Variants in PPP2R3B observed in about 807,000 individuals in gnomAD.
PPP2R3B encodes the protein serine/threonine-protein phosphatase 2A regulatory subunit B'' subunit beta.
In PPP2R3B, 68 loss-of-function variants were observed where a neutral mutation model predicts 72.9. The ratio of observed to expected loss-of-function variants is 0.93; its 90% CI spans 0.77 to 1.14. The LOEUF is 1.14. Among genes scored for constraint, PPP2R3B ranks in the 50% most tolerant of loss-of-function variants. PPP2R3B has a pLI of 0.00. For synonymous variants in PPP2R3B, 466 were observed against 375.8 expected (o/e 1.24, Z -2.78); for missense variants, 1,018 against 842.0 (o/e 1.21, Z -2.59).
chrX:384,268 C>T (rs1008413731), intron 1 of PPP2R3B, among the ~76,000 whole-genome samples: 1 of 147,630 alleles, frequency 6.8e-6, no homozygotes, highest in Non-Finnish European at 1.5e-5. Flanking sequence ...AAGACTCTCT[C>T]TCTCTCTCTC....
chrX:361,134 C>G (rs1193841605), intron 2 of PPP2R3B, among the ~76,000 whole-genome samples: 1 of 152,206 alleles, frequency 6.6e-6, no homozygotes, highest in Non-Finnish European at 1.5e-5. Context: ...GCGCTCTTCA[C>G]AGCATCAGGA....
chrX:341,859 G>A (rs776259434), intron 8 of PPP2R3B, 24 bp downstream of exon 8: 33 of 1,612,162 alleles, frequency 2.0e-5, no homozygotes, highest in African/African-American at 1.7e-4. Context: ...AATGGCTGCC[G>A]TCAGGCGCCT....
chrX:386,727 GCGCCCCGCCCCGCCCCGGGGGCTT>G lies in PPP2R3B; in HGVS notation c.-60_-37del, dbSNP rs2072265117. On this transcript the variant is annotated 5_prime_UTR_variant, in exon 1 of 13. Transcript: ENST00000390665. ...GGGCCCGCGGCGCCCCCGGACGCCC[GCGCCCCGCCCCGCCCCGGGGGCTT>G]CGGTCCGCCCCGGACCGACCTCGGT... 4.1e-6 allele frequency: 5 copies of G among 1,205,388 alleles called. No individual in the cohort carries two copies. Among genetic ancestry groups the G allele is most frequent in the African/African-American group, 1.6e-5 (1 of 62,528 alleles). The allele number at this position is 1,205,388 out of a possible 1,614,324, so 74.7% of individuals were successfully genotyped here.
At position 386,499 on chromosome X, in the gene PPP2R3B, C is replaced by T; in HGVS notation, c.193G>A (p.Ala65Thr). ...GGTTCGAGCCCGCTGGGCCGGGGGGCGGCGAGCGGGGCTGTGGGCCAGGCC... is the reference window on the plus strand; with the variant it reads ...GGTTCGAGCCCGCTGGGCCGGGGGGTGGCGAGCGGGGCTGTGGGCCAGGCC... ...PGAWPTAPLA[A>T]PRPSGLEPPG... The change falls in exon 1 of 13, where the codon GCC becomes ACC. Residue 65 changes from alanine (A) to threonine (T), a missense_variant. Physicochemically the swap from Ala to Thr is moderately conservative, Grantham distance 58. Coordinates refer to ENST00000390665, the MANE Select transcript of PPP2R3B (RefSeq NM_013239.5). 2 of 1,292,852 alleles carry T rather than the reference C, an allele frequency of 1.5e-6. No individual in the cohort carries two copies. The highest frequency in any genetic ancestry group is 9.8e-7 in the Non-Finnish European group (1 of 1,020,382). The allele number at this position is 1,292,852 out of a possible 1,614,324, so 80.1% of individuals were successfully genotyped here.
At chrX:335,723 C>G (rs1417460988) in intron 12 of PPP2R3B, 1 of 152,238 alleles carries the variant, frequency 6.6e-6, no homozygotes, top group East Asian at 1.9e-4. Flanking sequence ...ACCTCGTCGG[C>G]CCCTCGCCTC....
At chrX:348,185 G>C (rs2071262936) in intron 2 of PPP2R3B, among the ~76,000 whole-genome samples, 1 of 152,026 alleles carries the variant, frequency 6.6e-6, no homozygotes, top group East Asian at 1.9e-4. Context: ...CTACCCCAAA[G>C]GAACAAATAC....
Position 334,489 on chromosome X carries a change from G to C in PPP2R3B, c.1606C>G (p.Gln536Glu), listed in dbSNP as rs934114526. 3 of 1,578,738 alleles carry C rather than the reference G, an allele frequency of 1.9e-6. No individual in the cohort carries two copies. Among genetic ancestry groups the C allele is most frequent in the Admixed American group, 1.8e-5 (1 of 54,558 alleles). ...GFEAELSPVE[Q>E]KLSALRSPLA... ...GGGGAGCGCAGCGCACTCAGCTTCT[G>C]CTCCACAGGGCTGAGCTCGGCCTCG... The change falls in exon 13 of 13, where the codon CAG (glutamine) becomes GAG (glutamate). Residue 536 changes from glutamine to glutamate, a missense_variant. Physicochemically the swap from Gln to Glu is conservative, Grantham distance 29. Transcript: ENST00000390665.
chrX:346,445 G>GGGTCTGGCCGGGGAC lies in PPP2R3B; in HGVS notation c.793-200_793-186dup, dbSNP rs1556134592. The GGGTCTGGCCGGGGAC allele has an allele frequency of 4.6e-6, 3 of 646,320 alleles. No individual in the cohort carries two copies. The Admixed American group carries it at 9.4e-5, about 20-fold the overall frequency. 40.0% of individuals were successfully genotyped at this position (646,320 alleles called of 1,614,324 possible). On this transcript the variant is annotated intron_variant, in intron 5 of 12. Transcript: ENST00000390665. ...CGCCCCAGGCCGCGGAAAGCGGGGA[G>GGGTCTGGCCGGGGAC]GGTCTGGCCGGGGACGCCCCGGAGC...
At chrX:349,513 G>A (rs1176459963) in intron 2 of PPP2R3B, among the ~76,000 whole-genome samples, 1 of 152,182 alleles carries the variant, frequency 6.6e-6, no homozygotes, top group Admixed American at 6.5e-5. Context: ...CTGGACGGCC[G>A]AGCCAGGGCA....
At chrX:344,694 C>T (rs1345174430) in intron 7 of PPP2R3B, among the ~76,000 whole-genome samples, 1 of 152,184 alleles carries the variant, frequency 6.6e-6, no homozygotes, top group Non-Finnish European at 1.5e-5. Context: ...TAGTTAGGGG[C>T]CCAGGGCGCA....
chrX:353,145 G>A (rs771686250), intron 2 of PPP2R3B, among the ~76,000 whole-genome samples: 3 of 152,176 alleles, frequency 2.0e-5, no homozygotes, highest in Non-Finnish European at 2.9e-5. Flanking sequence ...ACGCCAAGGC[G>A]GGTGGATCAC....
intron 2 of PPP2R3B, among the ~76,000 whole-genome samples, chrX:358,794 G>C (rs1272115630): frequency 6.6e-6 from 1 of 151,350 alleles, no homozygotes; most frequent in Non-Finnish European, 1.5e-5. Flanking sequence ...CCGCGGAGGG[G>C]GGGTGGCCGC....
chrX:346,320 C>G, intron 5 of PPP2R3B, 60 bp from the exon 6 acceptor site: 3 of 1,495,892 alleles, frequency 2.0e-6, no homozygotes, highest in Admixed American at 3.9e-5. Context: ...TCGCCCCGCA[C>G]GGAGACCGGG....
At position 386,599 on chromosome X, in the gene PPP2R3B, C is replaced by T; in HGVS notation, c.93G>A (p.Met31Ile). 6.9e-7 allele frequency: 1 copy of T among 1,449,368 alleles called. No homozygotes were observed. Among genetic ancestry groups the T allele is most frequent in the Non-Finnish European group, 9.1e-7 (1 of 1,101,946 alleles). The allele number at this position is 1,449,368 out of a possible 1,614,324, so 89.8% of individuals were successfully genotyped here. A position where few individuals can be genotyped will look rare whatever the true frequency, so the allele number is the denominator to read the frequency against. ...TGATCCGGCGCAGGCAGTCCTGCAG[C>T]ATCCGCTGCGTGCTGGCCTCGCTGA... ...YWLSEASTQR[M>I]LQDCLRRIKA... Residue 31 changes from methionine to isoleucine, a missense_variant, in exon 1 of 13, where the codon ATG becomes ATA. Coordinates refer to ENST00000390665, the MANE Select transcript of PPP2R3B (RefSeq NM_013239.5).
Position 338,554 on chromosome X carries a change from C to T in PPP2R3B, c.1577+50G>A, listed in dbSNP as rs187695226. ...CCCACTCACCCGTCCTCCCCACTCA[C>T]CCGTCCTCCCACTGACCCGTCCCCC... On this transcript the variant is annotated intron_variant, in intron 12 of 12. Transcript: ENST00000390665. 1.9e-3 allele frequency: 2,571 copies of T among 1,372,450 alleles called. 42 individuals are homozygous for T. The African/African-American group carries it at 0.034, about 18-fold the overall frequency. The allele number at this position is 1,372,450 out of a possible 1,614,324, so 85.0% of individuals were successfully genotyped here.
At position 386,587 on chromosome X, in the gene PPP2R3B, G is replaced by A. The variant is rs1282563935; in HGVS notation, c.105C>T (p.Cys35=). ...EASTQRMLQD[C]LRRIKAPGRD... is the part of the protein sequence containing the mutation. ...GCCCGGGCGCCTTGATCCGGCGCAG[G>A]CAGTCCTGCAGCATCCGCTGCGTGC... The change falls in exon 1 of 13, where the codon TGC becomes TGT. Residue 35 remains cysteine (C), a synonymous_variant. Coordinates refer to ENST00000390665, the MANE Select transcript of PPP2R3B (RefSeq NM_013239.5). The A allele has an allele frequency of 1.4e-6, 2 of 1,445,358 alleles. No individual in the cohort carries two copies. Among genetic ancestry groups the A allele is most frequent in the African/African-American group, 1.5e-5 (1 of 67,762 alleles). The allele number at this position is 1,445,358 out of a possible 1,614,324, so 89.5% of individuals were successfully genotyped here.
intron 2 of PPP2R3B, among the ~76,000 whole-genome samples, chrX:357,406 G>T (rs1335975729): frequency 3.9e-5 from 6 of 152,164 alleles, no homozygotes; most frequent in South Asian, 2.1e-4. Context: ...ATGACAGAAG[G>T]AAGTGTATGT....
At position 334,479 on chromosome X, in the gene PPP2R3B, C is replaced by T. The variant is rs748907191; in HGVS notation, c.1616G>A (p.Ser539Asn). 6.3e-7 allele frequency: 1 copy of T among 1,587,170 alleles called. No individual in the cohort carries two copies. The highest frequency in any genetic ancestry group is 8.5e-7 in the Non-Finnish European group (1 of 1,173,796). ...CTGGGCCAGCGGGGAGCGCAGCGCA[C>T]TCAGCTTCTGCTCCACAGGGCTGAG... ...AELSPVEQKL[S>N]ALRSPLAQRP... Residue 539 changes from serine to asparagine, a missense_variant, in exon 13 of 13, where the codon AGT becomes AAT. By Grantham distance (46) the Ser-to-Asn change is conservative. Transcript: ENST00000390665.
chrX:349,464 G>C (rs928676107), intron 2 of PPP2R3B, among the ~76,000 whole-genome samples: 2 of 152,190 alleles, frequency 1.3e-5, no homozygotes, highest in Non-Finnish European at 2.9e-5. Flanking sequence ...CTTCTTCCCT[G>C]TGCTGGGAAC....
Sources: gnomAD v4.1 joint callset for allele counts (sites outside exome capture counted in the v4.1 genomes callset) on GRCh38, gnomAD v4.1.1 for gene constraint, MANE v1.5 for transcripts, NCBI Gene and HGNC (gene_info 2026-07-23, HGNC 2026-07-21) for gene names.